The following PIK3C2G variants were observed in gnomAD, a reference collection of about 807,000 sequenced individuals.
The protein encoded by PIK3C2G is phosphatidylinositol-4-phosphate 3-kinase catalytic subunit type 2 gamma.
PIK3C2G carries 168 observed loss-of-function variants against 181.1 expected under a neutral mutation model. The observed-to-expected ratio is 0.93, with a 90% CI of 0.82 to 1.05. PIK3C2G has a LOEUF of 1.05. Among genes scored for constraint, PIK3C2G ranks in the 50% least tolerant of loss-of-function variants. PIK3C2G has a pLI of 0.00. For missense variants in PIK3C2G, 1,869 were observed against 1,732.8 expected (o/e 1.08, Z -1.40); for synonymous variants, 573 against 592.2 (o/e 0.97, Z 0.47).
At chr12:18,623,977 A>C (rs12372061) in intron 31 of PIK3C2G, among the ~76,000 whole-genome samples, 13,985 of 151,764 alleles carry the variant, frequency 0.092, 848 homozygotes, top group Non-Finnish European at 0.14. Context: ...TGCCATCTGC[A>C]AACAAAGATG....
chr12:18,424,938 C>T (rs1008870797), intron 18 of PIK3C2G: 8 of 205,490 alleles, frequency 3.9e-5, no homozygotes, highest in African/African-American at 1.2e-4. Context: ...GCATGTCCAA[C>T]GTTCAGGGTG....
the PIK3C2G span, chr12:18,705,394 T>C: frequency 3.3e-6 from 5 of 1,532,494 alleles, no homozygotes; most frequent in Non-Finnish European, 4.5e-6. Context: ...GTGCTTAATG[T>C]ATTTTAAAAC....
At chr12:18,495,472 A>C (rs978820080) in intron 20 of PIK3C2G, among the ~76,000 whole-genome samples, 3 of 152,144 alleles carry the variant, frequency 2.0e-5, no homozygotes, top group Non-Finnish European at 4.4e-5. Flanking sequence ...GAAAAATGTA[A>C]GGATTTTTCA....
At chr12:18,618,487 C>T (rs982200968) in intron 31 of PIK3C2G, among the ~76,000 whole-genome samples, 4 of 152,166 alleles carry the variant, frequency 2.6e-5, no homozygotes, top group African/African-American at 9.7e-5. Flanking sequence ...TGATTGCCTA[C>T]TTTAAAATGT....
chr12:18,682,719 C>T, the PIK3C2G span, among the ~76,000 whole-genome samples: 1 of 151,910 alleles, frequency 6.6e-6, no homozygotes, highest in Non-Finnish European at 1.5e-5. Flanking sequence ...TGTCTAATTA[C>T]AGGGTACCAA....
intron 2 of PIK3C2G, 37 bp downstream of exon 2, chr12:18,282,796 T>TG (rs2137127683): frequency 7.6e-7 from 1 of 1,312,100 alleles, no homozygotes; most frequent in East Asian, 2.3e-5. Flanking sequence ...AATATGAATC[T>TG]GAAAGAATCA....
At chr12:18,400,414 G>A (rs1944181575) in intron 16 of PIK3C2G, among the ~76,000 whole-genome samples, 1 of 152,158 alleles carries the variant, frequency 6.6e-6, no homozygotes. Flanking sequence ...TGGTCCAGGA[G>A]AAACAAGTCT....
At chr12:18,684,386 T>C in the PIK3C2G span, 1 of 1,062,622 alleles carries the variant, frequency 9.4e-7, no homozygotes, top group Non-Finnish European at 1.4e-6. Context: ...TTAACAATAA[T>C]ATCTTGTGTT....
the PIK3C2G span, among the ~76,000 whole-genome samples, chr12:18,713,318 C>T: frequency 2.0e-5 from 3 of 152,122 alleles, no homozygotes; most frequent in Admixed American, 1.3e-4. Context: ...CTACTCCCAA[C>T]CCATATAATT....
intron 18 of PIK3C2G, among the ~76,000 whole-genome samples, chr12:18,476,466 T>A (rs1939006415): frequency 6.6e-6 from 1 of 152,028 alleles, no homozygotes; most frequent in Admixed American, 6.6e-5. Flanking sequence ...GTGATTTTAA[T>A]CCCTAGAATT....
At chr12:18,548,651 G>A (rs563933172) in intron 26 of PIK3C2G, among the ~76,000 whole-genome samples, 2 of 152,130 alleles carry the variant, frequency 1.3e-5, no homozygotes, top group South Asian at 4.1e-4. Flanking sequence ...GATCCTGCCT[G>A]CATACCTCTG....
intron 16 of PIK3C2G, among the ~76,000 whole-genome samples, chr12:18,410,761 C>A (rs935047713): frequency 6.6e-6 from 1 of 152,114 alleles, no homozygotes; most frequent in African/African-American, 2.4e-5. Flanking sequence ...CTTTTCAGTG[C>A]ATCATGTTAC....
intron 12 of PIK3C2G, among the ~76,000 whole-genome samples, chr12:18,363,253 T>C (rs1467150576): frequency 6.6e-6 from 1 of 152,130 alleles, no homozygotes; most frequent in Admixed American, 6.5e-5. Context: ...ATAACGTGGG[T>C]AATCTCCATT....
intron 32 of PIK3C2G, among the ~76,000 whole-genome samples, chr12:18,640,860 T>C (rs1949805055): frequency 6.6e-6 from 1 of 152,164 alleles, no homozygotes; most frequent in African/African-American, 2.4e-5. Context: ...AACCTTATTC[T>C]CCTTTACCTG....
chr12:18,511,401 A>T (rs546409330), intron 24 of PIK3C2G, among the ~76,000 whole-genome samples: 1 of 152,204 alleles, frequency 6.6e-6, no homozygotes, highest in African/African-American at 2.4e-5. Flanking sequence ...AGGAAAGTGG[A>T]TGCTGTTTTC....
chr12:18,491,634 G>A, intron 20 of PIK3C2G, 76 bp downstream of exon 20: 1 of 786,658 alleles, frequency 1.3e-6, no homozygotes, highest in Non-Finnish European at 2.1e-6. Context: ...TGTTTGAAAT[G>A]GCAAAAAGAA....
chr12:18,696,030 A>C, the PIK3C2G span: 12 of 596,258 alleles, frequency 2.0e-5, 1 homozygote, highest in Middle Eastern at 4.7e-4. Flanking sequence ...GCCTGACCCC[A>C]AAGCCCCCGG....
the PIK3C2G span, among the ~76,000 whole-genome samples, chr12:18,667,859 A>G: frequency 6.6e-6 from 1 of 152,288 alleles, no homozygotes; most frequent in Non-Finnish European, 1.5e-5. Flanking sequence ...TGCCTTCTTA[A>G]GAGGAGAGAT....
At chr12:18,625,108 CATTAA>C (rs1316327577) in intron 31 of PIK3C2G, among the ~76,000 whole-genome samples, 1 of 151,598 alleles carries the variant, frequency 6.6e-6, no homozygotes, top group Non-Finnish European at 1.5e-5. Flanking sequence ...TGAAGCACAA[CATTAA>C]ATTGTTTATT....
Sources: gnomAD v4.1 joint callset for allele counts (sites outside exome capture counted in the v4.1 genomes callset) on GRCh38, gnomAD v4.1.1 for gene constraint, MANE v1.5 for transcripts, NCBI Gene and HGNC (gene_info 2026-07-23, HGNC 2026-07-21) for gene names.